The following CDH2 variants were observed in gnomAD, a reference collection of about 807,000 sequenced individuals.
CDH2 encodes the protein cadherin 2.
A neutral mutation model predicts 92.0 loss-of-function variants in CDH2; 17 were observed. The observed-to-expected ratio is 0.18, with a 90% CI of 0.13 to 0.28. The LOEUF (loss-of-function observed/expected upper bound fraction) is 0.28, where lower values mean the gene tolerates loss of function less well. Among genes scored for constraint, CDH2 ranks in the 10% least tolerant of loss-of-function variants. CDH2 has a pLI of 1.00. For missense variants in CDH2, 862 were observed against 1,133.1 expected, an observed-to-expected ratio of 0.76 and a Z score of 3.44; for synonymous variants, 419 against 415.9, an observed-to-expected ratio of 1.01 and a Z score of -0.09.
At chr18:27,933,562 A>G (rs1453239432) in intron 6 of CDH2, among the ~76,000 whole-genome samples, 4 of 152,162 alleles carry the variant, frequency 2.6e-5, no homozygotes, top group Non-Finnish European at 5.9e-5. Flanking sequence ...CTTAGGTTGG[A>G]AAAAAAGAAA....
At chr18:28,110,956 T>A (rs547373346) in intron 2 of CDH2, among the ~76,000 whole-genome samples, 2 of 152,178 alleles carry the variant, frequency 1.3e-5, no homozygotes, top group South Asian at 4.2e-4. Context: ...TACATCAAGC[T>A]AAATGAGGTT....
intron 2 of CDH2, among the ~76,000 whole-genome samples, chr18:28,031,445 G>A (rs897180268): frequency 5.3e-5 from 8 of 151,848 alleles, no homozygotes; most frequent in African/African-American, 1.7e-4. Context: ...CAACATCTAC[G>A]GTGGCCTTTG....
At chr18:28,161,175 A>C (rs1042896921) in intron 1 of CDH2, among the ~76,000 whole-genome samples, 3 of 152,176 alleles carry the variant, frequency 2.0e-5, no homozygotes, top group African/African-American at 7.2e-5. Flanking sequence ...TGGAACACTG[A>C]GAAACAATTT....
At chr18:28,130,401 A>G (rs1598495482) in intron 2 of CDH2, among the ~76,000 whole-genome samples, 1 of 152,244 alleles carries the variant, frequency 6.6e-6, no homozygotes, top group South Asian at 2.1e-4. Flanking sequence ...AAAATGGAGT[A>G]TATCACAGTC....
chr18:28,018,441 C>A (rs1022968239), intron 2 of CDH2, among the ~76,000 whole-genome samples: 1 of 152,048 alleles, frequency 6.6e-6, no homozygotes, highest in Non-Finnish European at 1.5e-5. Context: ...CAAAGCAAGA[C>A]TAAGCAAAAT....
chr18:27,956,611 G>C (rs1320780613), intron 15 of CDH2, among the ~76,000 whole-genome samples: 1 of 152,108 alleles, frequency 6.6e-6, no homozygotes, highest in Non-Finnish European at 1.5e-5. Context: ...GTCTTCGCCT[G>C]TCTCCAGCAC....
At chr18:28,043,475 T>TATATATATATATATATATATATAA (rs2013997108) in intron 2 of CDH2, among the ~76,000 whole-genome samples, 1 of 77,458 alleles carries the variant, frequency 1.3e-5, no homozygotes, top group Non-Finnish European at 2.5e-5. Context: ...TATATATATA[T>TATATATATATATATATATATATAA]ATATATATAT....
intron 2 of CDH2, among the ~76,000 whole-genome samples, chr18:28,059,873 T>A (rs1208066940): frequency 6.6e-6 from 1 of 152,250 alleles, no homozygotes; most frequent in African/African-American, 2.4e-5. Flanking sequence ...TTCTTCATCC[T>A]CTTTTTCCTT....
chr18:27,938,769 G>T (rs989443765), intron 6 of CDH2, among the ~76,000 whole-genome samples: 5 of 151,972 alleles, frequency 3.3e-5, no homozygotes, highest in African/African-American at 4.8e-5. Flanking sequence ...TTATAGCATC[G>T]CTTAATTTCT....
intron 6 of CDH2, 82 bp from the exon 7 acceptor site, chr18:28,003,251 T>C (rs140340541): frequency 1.9e-6 from 2 of 1,037,904 alleles, no homozygotes; most frequent in South Asian, 1.7e-5. Context: ...ATTGTTTTGA[T>C]ATGTCTTATT....
intron 15 of CDH2, among the ~76,000 whole-genome samples, chr18:27,959,802 G>C (rs936931421): frequency 8.5e-5 from 13 of 152,094 alleles, no homozygotes; most frequent in Non-Finnish European, 7.3e-5. Flanking sequence ...TCTAGCTGAA[G>C]ATATTTGATT....
At chr18:28,112,213 A>C (rs1444695250) in intron 2 of CDH2, among the ~76,000 whole-genome samples, 1 of 152,146 alleles carries the variant, frequency 6.6e-6, no homozygotes, top group Non-Finnish European at 1.5e-5. Context: ...CCCCACTATA[A>C]ATGCAAGACT....
intron 2 of CDH2, among the ~76,000 whole-genome samples, chr18:28,110,080 G>A (rs886177672): frequency 6.6e-6 from 1 of 152,126 alleles, no homozygotes; most frequent in Non-Finnish European, 1.5e-5. Flanking sequence ...AACACACTTA[G>A]GAGTTTATTC....
At chr18:28,045,540 A>G (rs1223397353) in intron 2 of CDH2, 5 of 418,530 alleles carry the variant, frequency 1.2e-5, no homozygotes, top group Admixed American at 1.1e-4. Flanking sequence ...AACACATCCA[A>G]CTGTTTCAGG....
At chr18:28,007,165 A>AAAAATATAT (rs1172779200) in intron 5 of CDH2, among the ~76,000 whole-genome samples, 56 of 110,452 alleles carry the variant, frequency 5.1e-4, no homozygotes, top group African/African-American at 1.0e-3. Flanking sequence ...ATAAAAAAAA[A>AAAAATATAT]ATATATATAT....
At chr18:28,089,143 T>C (rs1440439009) in intron 2 of CDH2, among the ~76,000 whole-genome samples, 7 of 152,060 alleles carry the variant, frequency 4.6e-5, no homozygotes, top group Non-Finnish European at 1.5e-5. Flanking sequence ...TCTAGCACAC[T>C]GGAAAAGCCT....
intron 5 of CDH2, among the ~76,000 whole-genome samples, chr18:28,006,717 CAAAAAAAAAAA>C (rs35592550): frequency 1.3e-5 from 1 of 77,618 alleles, no homozygotes; most frequent in African/African-American, 4.8e-5. Context: ...GACTCTGTCT[CAAAAAAAAAAA>C]AAAAAAAAAG....
intron 2 of CDH2, among the ~76,000 whole-genome samples, chr18:28,110,638 A>G (rs1040081556): frequency 4.6e-5 from 7 of 152,166 alleles, no homozygotes; most frequent in African/African-American, 1.7e-4. Context: ...TTGGGAAACT[A>G]AAAGTAGACT....
intron 7 of CDH2, among the ~76,000 whole-genome samples, chr18:27,995,039 G>A (rs17493535): frequency 7.3e-4 from 111 of 152,156 alleles, no homozygotes; most frequent in African/African-American, 2.6e-3. Context: ...AGGGCTAGGT[G>A]CGGTGGCTCA....
Sources: allele counts gnomAD v4.1 joint callset (sites outside exome capture counted in the v4.1 genomes callset), GRCh38; gene constraint gnomAD v4.1.1; transcripts MANE v1.5; gene names NCBI Gene and HGNC (gene_info 2026-07-23, HGNC 2026-07-21).